The following DGKB variants were observed in gnomAD, a reference collection of about 807,000 sequenced individuals.
DGKB encodes the protein diacylglycerol kinase beta, also known as 90 kDa diacylglycerol kinase.
A neutral mutation model predicts 114.3 loss-of-function variants in DGKB; 67 were observed. The observed-to-expected ratio is 0.59, with a 90% confidence interval of 0.48 to 0.72. The LOEUF (loss-of-function observed/expected upper bound fraction) is 0.72, where lower values mean the gene tolerates loss of function less well. Among genes scored for constraint, DGKB ranks in the 30% least tolerant of loss-of-function variants. DGKB has a pLI of 0.00. For synonymous variants in DGKB, 398 were observed against 323.1 expected, an observed-to-expected ratio of 1.23 and a Z score of -2.49; for missense variants, 907 against 975.2, an observed-to-expected ratio of 0.93 and a Z score of 0.93.
intron 21 of DGKB, among the ~76,000 whole-genome samples, chr7:14,459,016 G>C (rs1832706606): frequency 6.6e-6 from 1 of 152,154 alleles, no homozygotes; most frequent in Admixed American, 6.5e-5. Flanking sequence ...GCTTGGTGGG[G>C]GGAGGGGCGT....
intron 23 of DGKB, among the ~76,000 whole-genome samples, chr7:14,326,555 C>A (rs374381080): frequency 6.6e-6 from 1 of 151,994 alleles, no homozygotes; most frequent in Non-Finnish European, 1.5e-5. Context: ...CTGAAGAAAA[C>A]ATTATTCTCA....
At chr7:14,645,063 G>C (rs1442413641) in intron 13 of DGKB, among the ~76,000 whole-genome samples, 1 of 152,042 alleles carries the variant, frequency 6.6e-6, no homozygotes, top group Non-Finnish European at 1.5e-5. Flanking sequence ...GTCTTGATTG[G>C]TTCCTTCTGA....
At chr7:14,421,696 A>T (rs565180106) in intron 21 of DGKB, among the ~76,000 whole-genome samples, 1 of 152,216 alleles carries the variant, frequency 6.6e-6, no homozygotes, top group South Asian at 2.1e-4. Context: ...GAGTACTTTT[A>T]AAAAGCTCTA....
At chr7:14,163,591 C>G (rs1006982175) in intron 25 of DGKB, among the ~76,000 whole-genome samples, 15 of 152,146 alleles carry the variant, frequency 9.9e-5, no homozygotes, top group African/African-American at 3.6e-4. Context: ...CCACTCACAC[C>G]TTAAAACATA....
At chr7:14,565,147 CAAGAGGTTTGCATT>C (rs1476143439) in intron 20 of DGKB, among the ~76,000 whole-genome samples, 1 of 152,084 alleles carries the variant, frequency 6.6e-6, no homozygotes, top group Non-Finnish European at 1.5e-5. Context: ...AGGTTTGCAT[CAAGAGGTTTGCATT>C]GGGCTTTACC....
intron 2 of DGKB, among the ~76,000 whole-genome samples, chr7:14,825,452 A>C (rs932441653): frequency 2.0e-5 from 3 of 152,174 alleles, no homozygotes; most frequent in Non-Finnish European, 4.4e-5. Flanking sequence ...GATGGGAGAC[A>C]GTGACAGATA....
chr7:14,349,488 T>C (rs1197009203), intron 21 of DGKB, among the ~76,000 whole-genome samples: 2 of 152,182 alleles, frequency 1.3e-5, no homozygotes, highest in African/African-American at 4.8e-5. Flanking sequence ...TGTGTTTCTA[T>C]CAGTTATCCA....
chr7:14,245,647 GC>G lies in DGKB; in HGVS notation c.2123-67497del, dbSNP rs1225038083. ...TTTTCCTCCATTTAACATGATTTCT[GC>G]CAGGCGAGACGGCTGACGCCTGTAA... On this transcript the variant is annotated intron_variant, in intron 23 of 25. Coordinates refer to ENST00000402815, the MANE Select transcript of DGKB (RefSeq NM_001350709.2). 1.1e-4 allele frequency among the ~76,000 whole-genome samples: 16 copies of G among 152,212 alleles called. No homozygotes were observed. The East Asian group carries it at 3.1e-3, about 29-fold the overall frequency.
At chr7:14,964,242 A>T (rs997130295) in intron 1 of DGKB, among the ~76,000 whole-genome samples, 2 of 152,162 alleles carry the variant, frequency 1.3e-5, no homozygotes, top group Non-Finnish European at 2.9e-5. Flanking sequence ...CCAGTGGCTC[A>T]CACCTGTAAT....
At chr7:14,950,538 G>T (rs188608147) in intron 1 of DGKB, among the ~76,000 whole-genome samples, 153 of 151,904 alleles carry the variant, frequency 1.0e-3, no homozygotes, top group African/African-American at 3.6e-3. Flanking sequence ...AAAGGAAAAA[G>T]ACACAAATTA....
chr7:14,401,949 A>G (rs938892193), intron 21 of DGKB, among the ~76,000 whole-genome samples: 3 of 149,672 alleles, frequency 2.0e-5, no homozygotes, highest in African/African-American at 7.3e-5. Context: ...AAAAAAATAA[A>G]ACACAATAAT....
chr7:14,890,661 C>T (rs536652310), intron 1 of DGKB, among the ~76,000 whole-genome samples: 5 of 151,312 alleles, frequency 3.3e-5, no homozygotes, highest in African/African-American at 1.2e-4. Flanking sequence ...AATGAGACTC[C>T]GAGAAAATGA....
At chr7:14,582,937 GTCCAATTATATCACTGCT>G in intron 18 of DGKB, 97 bp downstream of exon 18, 1 of 763,596 alleles carries the variant, frequency 1.3e-6, no homozygotes, top group Non-Finnish European at 2.3e-6. Context: ...CCTTCCAGAT[GTCCAATTATATCACTGCT>G]TCCAAAGATA....
chr7:14,303,451 T>C (rs992335078), intron 23 of DGKB, among the ~76,000 whole-genome samples: 2 of 152,156 alleles, frequency 1.3e-5, no homozygotes, highest in Non-Finnish European at 2.9e-5. Context: ...TTATTATTGG[T>C]CCTTTTGATA....
chr7:14,749,812 A>G (rs1399053412), intron 4 of DGKB, among the ~76,000 whole-genome samples: 1 of 152,194 alleles, frequency 6.6e-6, no homozygotes, highest in Middle Eastern at 3.2e-3. Flanking sequence ...ATATAATTTC[A>G]ATTAATAAGA....
At chr7:14,267,511 C>A (rs1026180230) in intron 23 of DGKB, among the ~76,000 whole-genome samples, 1 of 148,870 alleles carries the variant, frequency 6.7e-6, no homozygotes, top group Non-Finnish European at 1.5e-5. Flanking sequence ...TTTTTTGAGA[C>A]GGAGTCTGGC....
chr7:14,256,905 T>A (rs1024237484), intron 23 of DGKB, among the ~76,000 whole-genome samples: 6 of 152,138 alleles, frequency 3.9e-5, no homozygotes, highest in Non-Finnish European at 7.3e-5. Flanking sequence ...GTGGTTTACA[T>A]CTGTAATCCT....
At chr7:14,883,264 CT>C (rs1854516574) in intron 1 of DGKB, among the ~76,000 whole-genome samples, 1 of 151,598 alleles carries the variant, frequency 6.6e-6, no homozygotes, top group South Asian at 2.1e-4. Context: ...CAATATATAC[CT>C]ATATATTTGT....
intron 20 of DGKB, among the ~76,000 whole-genome samples, chr7:14,562,641 G>T (rs1183154620): frequency 1.3e-5 from 2 of 152,144 alleles, no homozygotes; most frequent in Non-Finnish European, 2.9e-5. Flanking sequence ...TTTAATGACT[G>T]CCCTATTTGA....
Sources: gnomAD v4.1 joint callset for allele counts (sites outside exome capture counted in the v4.1 genomes callset) on GRCh38, gnomAD v4.1.1 for gene constraint, MANE v1.5 for transcripts, NCBI Gene and HGNC (gene_info 2026-07-23, HGNC 2026-07-21) for gene names.